The following DOK6 variants were observed in gnomAD, a reference collection of about 807,000 sequenced individuals.
DOK6 encodes the protein downstream of tyrosine kinase 6.
DOK6 carries 22 observed loss-of-function variants against 44.0 expected under a neutral mutation model. The observed-to-expected ratio is 0.50, with a 90% CI of 0.36 to 0.71. The LOEUF (loss-of-function observed/expected upper bound fraction) is 0.71, where lower values mean the gene tolerates loss of function less well. Ranked by LOEUF, DOK6 falls within the 30% of genes least tolerant of loss-of-function variation. The pLI, the probability that DOK6 is intolerant of heterozygous loss-of-function variation, is 0.00. For missense variants in DOK6, 340 were observed against 416.4 expected, an observed-to-expected ratio of 0.82 and a Z score of 1.60; for synonymous variants, 166 against 145.5, an observed-to-expected ratio of 1.14 and a Z score of -1.01.
intron 1 of DOK6, among the ~76,000 whole-genome samples, chr18:69,419,834 A>T (rs1346749357): frequency 1.3e-5 from 2 of 152,184 alleles, no homozygotes; most frequent in African/African-American, 4.8e-5. Context: ...ATAAGTTTAC[A>T]TTCAGAACTG....
rs183503244 is a variant in DOK6, at chr18:69,669,676, C to G, written c.290-8058C>G. Among the ~76,000 whole-genome samples the G allele has an allele frequency of 1.6e-3, 238 of 152,270 alleles. 1 individual carries two copies. Among genetic ancestry groups the G allele is most frequent in the African/African-American group, 5.3e-3 (221 of 41,562 alleles). On this transcript the variant is annotated intron_variant, in intron 3 of 7. Transcript: ENST00000382713. ...CCCTCGGACCCCTTCCCGCACCCCC[C>G]CGCCGACCCTCCTGGCTCTTGTTCT...
chr18:69,606,304 A>G (rs1284049769), intron 3 of DOK6, among the ~76,000 whole-genome samples: 2 of 55,304 alleles, frequency 3.6e-5, no homozygotes, highest in Non-Finnish European at 5.9e-5. Flanking sequence ...AAATAAATAA[A>G]TAAATAAATA....
chr18:69,692,767 G>A (rs1252658936), intron 4 of DOK6, among the ~76,000 whole-genome samples: 1 of 152,126 alleles, frequency 6.6e-6, no homozygotes, highest in Non-Finnish European at 1.5e-5. Flanking sequence ...ATAAACTACA[G>A]CAGAATGAAA....
chr18:69,532,456 C>G (rs1017686794), intron 1 of DOK6, among the ~76,000 whole-genome samples: 3 of 152,186 alleles, frequency 2.0e-5, no homozygotes, highest in African/African-American at 7.2e-5. Context: ...ATTTGCAGGT[C>G]AGAGTGTACT....
intron 5 of DOK6, among the ~76,000 whole-genome samples, chr18:69,699,546 A>G (rs1986465164): frequency 6.6e-6 from 1 of 152,046 alleles, no homozygotes; most frequent in South Asian, 2.1e-4. Flanking sequence ...CAGTAATATT[A>G]AAGTCTCTAC....
intron 3 of DOK6, among the ~76,000 whole-genome samples, chr18:69,676,886 A>T (rs1003674787): frequency 7.2e-5 from 11 of 152,262 alleles, no homozygotes; most frequent in Admixed American, 5.9e-4. Flanking sequence ...TTTAGATATG[A>T]CAGGATTTTG....
At chr18:69,774,563 C>G (rs1020374060) in intron 7 of DOK6, among the ~76,000 whole-genome samples, 1 of 147,018 alleles carries the variant, frequency 6.8e-6, no homozygotes, top group Non-Finnish European at 1.5e-5. Flanking sequence ...GTTCTTACCA[C>G]AGTTAAATTA....
chr18:69,515,894 A>C (rs34211002), intron 1 of DOK6, among the ~76,000 whole-genome samples: 1 of 152,066 alleles, frequency 6.6e-6, no homozygotes, highest in East Asian at 1.9e-4. Context: ...GCATGCAAAC[A>C]GATCTGAATT....
At chr18:69,609,000 T>G (rs1961268102) in intron 3 of DOK6, among the ~76,000 whole-genome samples, 1 of 152,048 alleles carries the variant, frequency 6.6e-6, no homozygotes, top group Admixed American at 6.5e-5. Flanking sequence ...AGATTTTTTC[T>G]TAACTATTTT....
At chr18:69,566,681 T>C (rs1276148365) in intron 2 of DOK6, among the ~76,000 whole-genome samples, 2 of 152,214 alleles carry the variant, frequency 1.3e-5, no homozygotes, top group East Asian at 3.8e-4. Context: ...GCTTGCATTC[T>C]AGTGGAAAAG....
At chr18:69,686,439 C>G (rs987559514) in intron 4 of DOK6, among the ~76,000 whole-genome samples, 1 of 152,086 alleles carries the variant, frequency 6.6e-6, no homozygotes, top group South Asian at 2.1e-4. Flanking sequence ...TAATTTGTAA[C>G]TTTTCACTTT....
At chr18:69,507,081 G>T (rs2144552832) in intron 1 of DOK6, among the ~76,000 whole-genome samples, 1 of 152,140 alleles carries the variant, frequency 6.6e-6, no homozygotes, top group Middle Eastern at 3.4e-3. Context: ...GGAGTGCAGT[G>T]CAGTGGTACA....
At chr18:69,602,093 G>A (rs1370193510) in intron 3 of DOK6, among the ~76,000 whole-genome samples, 1 of 152,166 alleles carries the variant, frequency 6.6e-6, no homozygotes, top group Non-Finnish European at 1.5e-5. Context: ...TCCAGAGGAG[G>A]TGGAGCATGA....
intron 1 of DOK6, among the ~76,000 whole-genome samples, chr18:69,551,706 T>G (rs1371374869): frequency 6.6e-6 from 1 of 152,192 alleles, no homozygotes; most frequent in Non-Finnish European, 1.5e-5. Flanking sequence ...AAATCACTGT[T>G]ATTTTTCATC....
At chr18:69,539,098 C>T (rs922188464) in intron 1 of DOK6, among the ~76,000 whole-genome samples, 1 of 152,108 alleles carries the variant, frequency 6.6e-6, no homozygotes, top group African/African-American at 2.4e-5. Flanking sequence ...ACATCCCTGC[C>T]TTAGGCTTTT....
chr18:69,457,682 G>A (rs1409600581), intron 1 of DOK6, among the ~76,000 whole-genome samples: 2 of 152,240 alleles, frequency 1.3e-5, no homozygotes, highest in East Asian at 1.9e-4. Flanking sequence ...GAATGTCATT[G>A]GTAGTTTGAT....
intron 1 of DOK6, among the ~76,000 whole-genome samples, chr18:69,416,862 T>G (rs955727468): frequency 6.6e-6 from 1 of 152,218 alleles, no homozygotes; most frequent in African/African-American, 2.4e-5. Flanking sequence ...CTGTTTTCCT[T>G]CTTGCATGTT....
At chr18:69,412,201 G>A (rs1241069796) in intron 1 of DOK6, among the ~76,000 whole-genome samples, 1 of 151,950 alleles carries the variant, frequency 6.6e-6, no homozygotes, top group African/African-American at 2.4e-5. Context: ...CTTTCTCACT[G>A]GTTAATGGCT....
intron 1 of DOK6, among the ~76,000 whole-genome samples, chr18:69,445,577 C>T (rs1341244520): frequency 6.6e-6 from 1 of 152,046 alleles, no homozygotes; most frequent in East Asian, 1.9e-4. Flanking sequence ...TTTTTTCCTT[C>T]AGTCTATTGT....
Sources: allele counts gnomAD v4.1 joint callset (sites outside exome capture counted in the v4.1 genomes callset), GRCh38; gene constraint gnomAD v4.1.1; transcripts MANE v1.5; gene names NCBI Gene and HGNC (gene_info 2026-07-23, HGNC 2026-07-21).